Variants in MAML3 observed in about 807,000 individuals in gnomAD.
MAML3 encodes mastermind like transcriptional coactivator 3.
Under a neutral mutation model 101.9 loss-of-function variants are expected in MAML3, and 27 were observed. The observed-to-expected ratio is 0.27, with a 90% CI of 0.20 to 0.37. The LOEUF is 0.37. Among genes scored for constraint, MAML3 ranks in the 10% least tolerant of loss-of-function variants. The pLI, the probability that MAML3 is intolerant of heterozygous loss-of-function variation, is 1.00. For synonymous variants in MAML3, 501 were observed against 555.9 expected, an observed-to-expected ratio of 0.90 and a Z score of 1.39; for missense variants, 1,316 against 1,444.9, an observed-to-expected ratio of 0.91 and a Z score of 1.45.
chr4:140,134,867 A>G (rs1198421579), intron 1 of MAML3, among the ~76,000 whole-genome samples: 2 of 152,208 alleles, frequency 1.3e-5, no homozygotes, highest in African/African-American at 4.8e-5. Flanking sequence ...ACGAATCACA[A>G]TGGCACGGGC....
At chr4:139,737,242 C>T (rs1021354110) in intron 2 of MAML3, among the ~76,000 whole-genome samples, 1 of 152,116 alleles carries the variant, frequency 6.6e-6, no homozygotes, top group African/African-American at 2.4e-5. Context: ...GAATGTAACA[C>T]TTATGGGGCA....
At chr4:139,855,917 G>A (rs181043006) in intron 2 of MAML3, among the ~76,000 whole-genome samples, 12 of 152,212 alleles carry the variant, frequency 7.9e-5, no homozygotes, top group African/African-American at 2.4e-4. Context: ...ATGTAGGCTC[G>A]GGAAAACTCC....
intron 3 of MAML3, among the ~76,000 whole-genome samples, chr4:139,729,737 A>G (rs1728625638): frequency 6.6e-6 from 1 of 152,236 alleles, no homozygotes; most frequent in Non-Finnish European, 1.5e-5. Context: ...TCTGCAGGGA[A>G]GGCTTTCTCT....
At chr4:139,946,563 T>C (rs1165932309) in intron 1 of MAML3, among the ~76,000 whole-genome samples, 1 of 152,156 alleles carries the variant, frequency 6.6e-6, no homozygotes, top group Non-Finnish European at 1.5e-5. Flanking sequence ...ATATAATGAA[T>C]AATTACAGAT....
At chr4:139,811,169 T>G (rs1730790144) in intron 2 of MAML3, among the ~76,000 whole-genome samples, 1 of 152,246 alleles carries the variant, frequency 6.6e-6, no homozygotes, top group Admixed American at 6.5e-5. Flanking sequence ...TGAAACTTTT[T>G]AAAACTTACG....
intron 1 of MAML3, among the ~76,000 whole-genome samples, chr4:140,140,208 C>A (rs1728957310): frequency 6.6e-6 from 1 of 152,084 alleles, no homozygotes. Flanking sequence ...CCTGTAGTCC[C>A]AGCTACTCGG....
intron 2 of MAML3, among the ~76,000 whole-genome samples, chr4:139,876,477 C>T (rs541692250): frequency 6.6e-6 from 1 of 152,374 alleles, no homozygotes; most frequent in South Asian, 2.1e-4. Context: ...GAAACTAACA[C>T]TATCTACCAG....
chr4:140,140,624 T>C (rs1728964477), intron 1 of MAML3, among the ~76,000 whole-genome samples: 1 of 152,088 alleles, frequency 6.6e-6, no homozygotes, highest in Non-Finnish European at 1.5e-5. Flanking sequence ...CTAAACCAAA[T>C]CTAGATCATA....
Position 140,091,538 on chromosome 4 carries a change from A to AAC in MAML3, c.468+61321_468+61322insGT, listed in dbSNP as rs71884643. ...GTAAAACAAAACAAAACAACAAAAC[A>AAC]AAAACAAAACAAAAAAAAAAAACAG... On this transcript the variant is annotated intron_variant, in intron 1 of 4. Coordinates refer to ENST00000509479, the MANE Select transcript of MAML3 (RefSeq NM_018717.5). Among the ~76,000 whole-genome samples the AAC allele has an allele frequency of 1.4e-4, 3 of 22,206 alleles. No homozygotes were observed. The Admixed American group carries it at 2.0e-3, about 15-fold the overall frequency. 14.6% of individuals were successfully genotyped at this position (22,206 alleles called of 152,430 possible). A position where few individuals can be genotyped will look rare whatever the true frequency, so the allele number is the denominator to read the frequency against.
At chr4:139,920,657 A>G (rs1205804865) in intron 1 of MAML3, among the ~76,000 whole-genome samples, 1 of 152,250 alleles carries the variant, frequency 6.6e-6, no homozygotes, top group Non-Finnish European at 1.5e-5. Flanking sequence ...AATGGAGGGC[A>G]CACAGTTGTC....
intron 2 of MAML3, among the ~76,000 whole-genome samples, chr4:139,752,288 T>C: frequency 6.6e-6 from 1 of 152,224 alleles, no homozygotes; most frequent in African/African-American, 2.4e-5. Context: ...ATTTCACAGA[T>C]GTAAAAATGT....
chr4:140,096,222 C>T (rs1374437936), intron 1 of MAML3, among the ~76,000 whole-genome samples: 2 of 152,154 alleles, frequency 1.3e-5, no homozygotes, highest in African/African-American at 4.8e-5. Flanking sequence ...TACTTAATAA[C>T]TTGATGGAGT....
intron 1 of MAML3, among the ~76,000 whole-genome samples, chr4:139,900,589 T>C (rs1423769417): frequency 6.6e-6 from 1 of 152,238 alleles, no homozygotes; most frequent in African/African-American, 2.4e-5. Context: ...GAATCCTGTG[T>C]AGTCTCTGTA....
At chr4:139,880,510 C>T (rs1358244811) in intron 2 of MAML3, among the ~76,000 whole-genome samples, 1 of 152,066 alleles carries the variant, frequency 6.6e-6, no homozygotes, top group Admixed American at 6.5e-5. Context: ...AGTCATGAAC[C>T]TAAACTGTTT....
intron 1 of MAML3, among the ~76,000 whole-genome samples, chr4:140,107,507 CT>C (rs34219237): frequency 0.32 from 44,313 of 139,010 alleles, 6,708 homozygotes; most frequent in Middle Eastern, 0.4. Flanking sequence ...GAAAAAAATG[CT>C]TTTTTTTTTT....
At chr4:139,852,403 G>GTTTTT (rs67349785) in intron 2 of MAML3, among the ~76,000 whole-genome samples, 1 of 68,326 alleles carries the variant, frequency 1.5e-5, no homozygotes, top group Non-Finnish European at 2.7e-5. Context: ...TCAGAAGACT[G>GTTTTT]TTTTTTTTTT....
intron 1 of MAML3, among the ~76,000 whole-genome samples, chr4:140,050,384 C>T (rs1727247537): frequency 6.6e-6 from 1 of 151,836 alleles, no homozygotes; most frequent in African/African-American, 2.4e-5. Flanking sequence ...TCAACTGGTG[C>T]CCTAGAGACA....
At chr4:140,046,958 CA>C (rs1178492092) in intron 1 of MAML3, among the ~76,000 whole-genome samples, 1 of 151,986 alleles carries the variant, frequency 6.6e-6, no homozygotes, top group Non-Finnish European at 1.5e-5. Context: ...ACCAAGGGAA[CA>C]GTAAAGACAA....
intron 2 of MAML3, among the ~76,000 whole-genome samples, chr4:139,753,753 T>G (rs1729582330): frequency 6.6e-6 from 1 of 152,186 alleles, no homozygotes; most frequent in Admixed American, 6.5e-5. Context: ...TTCTTCTGTT[T>G]GTCCATCTGT....
Sources: gnomAD v4.1 joint callset for allele counts (sites outside exome capture counted in the v4.1 genomes callset) on GRCh38, gnomAD v4.1.1 for gene constraint, MANE v1.5 for transcripts, NCBI Gene and HGNC (gene_info 2026-07-23, HGNC 2026-07-21) for gene names.